CYFIP1: variants seen among roughly 807,000 people sequenced by gnomAD.
CYFIP1 encodes cytoplasmic FMR1-interacting protein 1.
A neutral mutation model predicts 163.5 loss-of-function variants in CYFIP1; 58 were observed. That is an observed-to-expected ratio of 0.35 (90% CI 0.29 to 0.44). CYFIP1 has a LOEUF of 0.44. Among genes scored for constraint, CYFIP1 ranks in the 20% least tolerant of loss-of-function variants. CYFIP1 has a pLI of 1.00. For missense variants in CYFIP1, 1,338 were observed against 1,653.8 expected (o/e 0.81, Z 3.31); for synonymous variants, 663 against 660.7 (o/e 1.00, Z -0.05).
intron 16 of CYFIP1, 39 bp from the exon 17 acceptor site, chr15:22,914,921 G>A (rs1280984655): frequency 5.8e-6 from 9 of 1,564,354 alleles, no homozygotes; most frequent in East Asian, 4.5e-5. Flanking sequence ...TCTCCCGCAA[G>A]CAAAAAAAAA....
chr15:22,919,248 C>T (rs12443254), intron 13 of CYFIP1, among the ~76,000 whole-genome samples: 21,320 of 152,128 alleles, frequency 0.14, 1,863 homozygotes, highest in Admixed American at 0.26. Context: ...ACAACAAAGG[C>T]GCAGTGAACT....
chr15:22,949,248 G>A (rs1022268308), intron 1 of CYFIP1, among the ~76,000 whole-genome samples: 18 of 151,310 alleles, frequency 1.2e-4, no homozygotes, highest in African/African-American at 4.4e-4. Flanking sequence ...GCAGGCCGGA[G>A]GGCGGGCACA....
intron 1 of CYFIP1, among the ~76,000 whole-genome samples, chr15:22,953,958 A>G (rs1567024486): frequency 6.6e-6 from 1 of 152,180 alleles, no homozygotes; most frequent in Non-Finnish European, 1.5e-5. Flanking sequence ...CGGGAGGCTG[A>G]GGCAGGAAAA....
chr15:22,876,686 C>A (rs1363592282), intron 26 of CYFIP1, among the ~76,000 whole-genome samples: 1 of 151,988 alleles, frequency 6.6e-6, no homozygotes, highest in Non-Finnish European at 1.5e-5. Context: ...ACAAAATTAG[C>A]CGGGTGTGGT....
At chr15:22,946,923 G>T in intron 3 of CYFIP1, 80 bp downstream of exon 3, 1 of 1,214,342 alleles carries the variant, frequency 8.2e-7, no homozygotes, top group Non-Finnish European at 1.2e-6. Flanking sequence ...AGTCTATTGG[G>T]ATAATACCAA....
At chr15:22,973,868 C>T (rs1464070183) in intron 1 of CYFIP1, among the ~76,000 whole-genome samples, 1 of 152,116 alleles carries the variant, frequency 6.6e-6, no homozygotes, top group Non-Finnish European at 1.5e-5. Flanking sequence ...TGTAAAAGAT[C>T]TGAATGGATA....
chr15:22,914,591 C>G (rs1473381426), intron 17 of CYFIP1, 135 bp downstream of exon 17: 1 of 844,088 alleles, frequency 1.2e-6, no homozygotes. Flanking sequence ...AGACTGGGGT[C>G]TTGCTATTTT....
intron 1 of CYFIP1, among the ~76,000 whole-genome samples, chr15:22,959,482 G>A (rs548660157): frequency 2.6e-5 from 4 of 152,204 alleles, no homozygotes; most frequent in Non-Finnish European, 5.9e-5. Context: ...CCGCAGCCCC[G>A]TGGCTTGCCT....
intron 1 of CYFIP1, among the ~76,000 whole-genome samples, chr15:22,953,061 G>A (rs575340229): frequency 1.3e-3 from 202 of 152,328 alleles, no homozygotes; most frequent in African/African-American, 4.0e-3. Context: ...GCCTGGGCCC[G>A]GCCCGCTTCC....
In CYFIP1 at chr15:22,872,331, T is replaced by TA. The variant is rs2059458627; in HGVS notation, c.3597+493dup. 6.6e-5 allele frequency among the ~76,000 whole-genome samples: 10 copies of TA among 150,378 alleles called. No homozygotes were observed. The South Asian group carries it at 2.1e-3, about 32-fold the overall frequency. On this transcript the variant is annotated intron_variant, in intron 30 of 30. Transcript: ENST00000617928. ...AAAAAGAAAGAAAAAAGAAAACTGA[T>TA]ACAACAAAGAGATGTGGAGAATAGA...
At chr15:22,886,143 G>C (rs12899345) in intron 23 of CYFIP1, among the ~76,000 whole-genome samples, 1 of 152,014 alleles carries the variant, frequency 6.6e-6, no homozygotes, top group Non-Finnish European at 1.5e-5. Context: ...ATCAGATCTC[G>C]TGAGAACTCA....
intron 1 of CYFIP1, among the ~76,000 whole-genome samples, chr15:22,966,298 G>T (rs996955466): frequency 1.3e-5 from 2 of 151,714 alleles, no homozygotes; most frequent in East Asian, 3.9e-4. Context: ...GCTCGAACCC[G>T]GGAGGCAGAG....
rs1214521674 is a variant in CYFIP1 at position 22,867,999 on chromosome 15, C to T, written c.*2029G>A. ...AAAAAAGTATTGGCAGAATTAATTT[C>T]CACCTAGGTGATGGGAAGAAAGTGT... On this transcript the variant is annotated 3_prime_UTR_variant, in exon 31 of 31. Transcript: ENST00000617928. The T allele has an allele frequency of 6.6e-6, 1 of 152,236 alleles. No individual in the cohort carries two copies. The allele number at this position is 152,236 out of a possible 1,614,324, so 9.4% of individuals were successfully genotyped here. A position where few individuals can be genotyped will look rare whatever the true frequency, so the allele number is the denominator to read the frequency against.
At chr15:22,965,078 ATAT>A (rs886752341) in intron 1 of CYFIP1, among the ~76,000 whole-genome samples, 9 of 151,968 alleles carry the variant, frequency 5.9e-5, no homozygotes, top group Non-Finnish European at 1.2e-4. Context: ...GTGTACACAT[ATAT>A]TAATAAACAT....
At chr15:22,940,118 G>T (rs771503513) in intron 6 of CYFIP1, among the ~76,000 whole-genome samples, 1 of 152,168 alleles carries the variant, frequency 6.6e-6, no homozygotes, top group Non-Finnish European at 1.5e-5. Context: ...TGAAGGTGGG[G>T]GTGTGAGGAT....
intron 11 of CYFIP1, among the ~76,000 whole-genome samples, chr15:22,928,537 GC>G (rs1428339897): frequency 6.6e-6 from 1 of 152,228 alleles, no homozygotes; most frequent in Non-Finnish European, 1.5e-5. Context: ...CGCTGCCACA[GC>G]CACCGCCTGG....
intron 21 of CYFIP1, chr15:22,905,286 G>T (rs781727659): frequency 3.9e-5 from 6 of 152,014 alleles, no homozygotes; most frequent in Non-Finnish European, 7.4e-5. Context: ...CACTTTCAAG[G>T]TGTCTTCTAT....
intron 1 of CYFIP1, among the ~76,000 whole-genome samples, chr15:22,979,974 G>C (rs900683633): frequency 2.0e-5 from 3 of 152,114 alleles, no homozygotes; most frequent in South Asian, 4.1e-4. Flanking sequence ...CCGGGGGCGC[G>C]AGGCGGTGAA....
rs1284220059 is a variant in CYFIP1, at chr15:22,909,233, C to T, written c.2349G>A (p.Ala783=). 19 of 1,614,046 alleles carry T rather than the reference C, an allele frequency of 1.2e-5. No individual in the cohort carries two copies. The highest frequency in any genetic ancestry group is 2.2e-5 in the East Asian group (1 of 44,900). ...SAAMYKSLEL[A]IGRFESEDLT... is the part of the protein sequence containing the mutation. The stretch of plus-strand genomic sequence containing the variant: ...AATCTTCACTTTCAAATCGTCCAAT[C>T]GCCAGTTCTAGGGACTTATACATGG... Residue 783 remains alanine, a synonymous_variant, in exon 21 of 31, where the codon GCG becomes GCA. Coordinates refer to ENST00000617928, the MANE Select transcript of CYFIP1 (RefSeq NM_014608.6).
Sources: allele counts gnomAD v4.1 joint callset (sites outside exome capture counted in the v4.1 genomes callset), GRCh38; gene constraint gnomAD v4.1.1; transcripts MANE v1.5; gene names NCBI Gene and HGNC (gene_info 2026-07-23, HGNC 2026-07-21).